The following SDK1 variants were observed in gnomAD, a reference collection of about 807,000 sequenced individuals.
The protein encoded by SDK1 is protein sidekick-1.
SDK1 carries 157 observed loss-of-function variants against 245.5 expected under a neutral mutation model. The ratio of observed to expected loss-of-function variants is 0.64; its 90% CI spans 0.56 to 0.73. SDK1 has a LOEUF of 0.73. Ranked by LOEUF, SDK1 falls within the 30% of genes least tolerant of loss-of-function variation. The pLI is 0.00. For synonymous variants in SDK1, 1,647 were observed against 1,278.5 expected, an observed-to-expected ratio of 1.29 and a Z score of -6.15; for missense variants, 3,583 against 3,002.3, an observed-to-expected ratio of 1.19 and a Z score of -4.52.
intron 2 of SDK1, among the ~76,000 whole-genome samples, chr7:3,634,504 G>A (rs893498492): frequency 1.3e-5 from 2 of 152,216 alleles, no homozygotes; most frequent in African/African-American, 2.4e-5. Flanking sequence ...ATTCTGCCTT[G>A]ATAGAGTGAA....
At chr7:3,719,419 C>T (rs1003301756) in intron 4 of SDK1, among the ~76,000 whole-genome samples, 1 of 152,056 alleles carries the variant, frequency 6.6e-6, no homozygotes, top group African/African-American at 2.4e-5. Flanking sequence ...GTAATCGTGA[C>T]TGTGTGGTAC....
At chr7:3,482,771 G>A (rs10499338) in intron 1 of SDK1, among the ~76,000 whole-genome samples, 60,191 of 152,044 alleles carry the variant, frequency 0.4, 12,869 homozygotes, top group African/African-American at 0.57. Context: ...CAATATTCAA[G>A]GCATTACTGA....
Position 4,193,372 on chromosome 7 carries a change from T to TTATATATA in SDK1, c.5099-12488_5099-12481dup, listed in dbSNP as rs10536828. Among the ~76,000 whole-genome samples, 916 of 102,996 alleles carry TTATATATA rather than the reference T, an allele frequency of 8.9e-3. 16 individuals carry two copies. The highest frequency in any genetic ancestry group is 0.033 in the African/African-American group (839 of 25,610). 67.6% of individuals were successfully genotyped at this position (102,996 alleles called of 152,430 possible). ...AATATATTTATATATATTAAAATAT[T>TTATATATA]TATATATATATATATATATATATAT... is the stretch of plus-strand genomic sequence containing the variant. On this transcript the variant is annotated intron_variant, in intron 35 of 44. Coordinates refer to ENST00000404826, the MANE Select transcript of SDK1 (RefSeq NM_152744.4).
rs1400836511 is a variant in SDK1 at position 4,268,809 on chromosome 7, C to T, written c.*3425C>T. On this transcript the variant is annotated 3_prime_UTR_variant, in exon 45 of 45. Transcript: ENST00000404826. ...GAAACTCATGAGCTGAGCCTGCCCG[C>T]TGGGACACGTCTCCTTCCCGCGTCA... 2 of 1,234,416 alleles carry T rather than the reference C, an allele frequency of 1.6e-6. No homozygotes were observed. Among genetic ancestry groups the T allele is most frequent in the Non-Finnish European group, 2.2e-6 (2 of 900,964 alleles). 76.5% of individuals were successfully genotyped at this position (1,234,416 alleles called of 1,614,324 possible). A position where few individuals can be genotyped will look rare whatever the true frequency, so the allele number is the denominator to read the frequency against.
chr7:3,537,106 A>G (rs1479365876), intron 1 of SDK1, among the ~76,000 whole-genome samples: 1 of 152,208 alleles, frequency 6.6e-6, no homozygotes, highest in Non-Finnish European at 1.5e-5. Context: ...AAATTCCCTT[A>G]AATCCCTGTT....
chr7:3,558,003 AC>A (rs1265303850), intron 1 of SDK1, among the ~76,000 whole-genome samples: 3 of 67,492 alleles, frequency 4.4e-5, no homozygotes, highest in Non-Finnish European at 9.8e-5. Context: ...TCCCTCCCCC[AC>A]CCCCCGACCC....
intron 35 of SDK1, among the ~76,000 whole-genome samples, chr7:4,200,083 A>G (rs1783802376): frequency 6.6e-6 from 1 of 152,084 alleles, no homozygotes. Flanking sequence ...TGACAGAGTG[A>G]TACTCCATCC....
intron 31 of SDK1, among the ~76,000 whole-genome samples, chr7:4,160,841 T>C (rs1781066590): frequency 6.6e-6 from 1 of 152,066 alleles, no homozygotes; most frequent in Non-Finnish European, 1.5e-5. Context: ...GTGTGACTGA[T>C]GCAGGCACTG....
chr7:3,692,680 T>C (rs1784467949), intron 4 of SDK1, among the ~76,000 whole-genome samples: 1 of 152,096 alleles, frequency 6.6e-6, no homozygotes, highest in Non-Finnish European at 1.5e-5. Context: ...GGTCAAAGGG[T>C]ATAAATATTT....
chr7:3,653,459 G>T (rs1314039259), intron 4 of SDK1, among the ~76,000 whole-genome samples: 1 of 152,158 alleles, frequency 6.6e-6, no homozygotes, highest in African/African-American at 2.4e-5. Context: ...CAGATCAGTG[G>T]TGGTGAGAAG....
At chr7:3,932,021 G>A (rs1478480581) in intron 5 of SDK1, among the ~76,000 whole-genome samples, 1 of 152,202 alleles carries the variant, frequency 6.6e-6, no homozygotes, top group African/African-American at 2.4e-5. Context: ...TGGATTGATA[G>A]TTTGCACAGT....
intron 1 of SDK1, among the ~76,000 whole-genome samples, chr7:3,459,672 T>C (rs1248773496): frequency 6.6e-6 from 1 of 152,224 alleles, no homozygotes; most frequent in Non-Finnish European, 1.5e-5. Flanking sequence ...ATAAATTGCT[T>C]CGTCGCATAT....
chr7:3,412,160 C>A (rs1779228422), intron 1 of SDK1, among the ~76,000 whole-genome samples: 1 of 152,072 alleles, frequency 6.6e-6, no homozygotes, highest in South Asian at 2.1e-4. Context: ...AAGATGTGGG[C>A]AATTAATACA....
At chr7:4,124,245 G>T (rs1191604405) in intron 25 of SDK1, among the ~76,000 whole-genome samples, 2 of 152,230 alleles carry the variant, frequency 1.3e-5, no homozygotes, top group Non-Finnish European at 2.9e-5. Context: ...CCCAAACGGG[G>T]TGGCTTAAAT....
At chr7:3,575,106 G>A (rs1443784068) in intron 1 of SDK1, among the ~76,000 whole-genome samples, 2 of 152,064 alleles carry the variant, frequency 1.3e-5, no homozygotes, top group Non-Finnish European at 2.9e-5. Flanking sequence ...CCACCTGACT[G>A]CCATAACCAA....
At chr7:3,668,330 G>T (rs570663211) in intron 4 of SDK1, among the ~76,000 whole-genome samples, 1 of 152,204 alleles carries the variant, frequency 6.6e-6, no homozygotes, top group African/African-American at 2.4e-5. Context: ...GCAAAAGTTG[G>T]TATTGACTGT....
chr7:4,216,851 G>GA (rs1784824507), intron 38 of SDK1, among the ~76,000 whole-genome samples: 2 of 152,206 alleles, frequency 1.3e-5, no homozygotes, highest in African/African-American at 2.4e-5. Flanking sequence ...ACTCCACTGT[G>GA]AACACAGTCG....
chr7:4,090,140 G>T (rs931227127), intron 22 of SDK1, among the ~76,000 whole-genome samples: 2 of 152,176 alleles, frequency 1.3e-5, no homozygotes, highest in Non-Finnish European at 2.9e-5. Flanking sequence ...TGTTAGTCCA[G>T]TTATTTTGCT....
At chr7:4,074,236 A>G (rs10251829) in intron 20 of SDK1, among the ~76,000 whole-genome samples, 53,218 of 151,852 alleles carry the variant, frequency 0.35, 10,192 homozygotes, top group African/African-American at 0.49. Context: ...CAACTGAGGG[A>G]TTGGGGGAGG....
Sources: allele counts gnomAD v4.1 joint callset (sites outside exome capture counted in the v4.1 genomes callset), GRCh38; gene constraint gnomAD v4.1.1; transcripts MANE v1.5; gene names NCBI Gene and HGNC (gene_info 2026-07-23, HGNC 2026-07-21).